Variants in PGS1 observed in about 807,000 individuals in gnomAD.
PGS1 encodes the protein phosphatidylglycerophosphate synthase 1, also known as CDP-diacylglycerol--glycerol-3-phosphate 3-phosphatidyltransferase, mitochondrial.
PGS1 carries 44 observed loss-of-function variants against 58.3 expected under a neutral mutation model. That is an observed-to-expected ratio of 0.75 (90% CI 0.59 to 0.97). The LOEUF (loss-of-function observed/expected upper bound fraction) is 0.97, where lower values mean the gene tolerates loss of function less well. Among genes scored for constraint, PGS1 ranks in the 50% least tolerant of loss-of-function variants. The pLI, the probability that PGS1 is intolerant of heterozygous loss-of-function variation, is 0.00. For missense variants in PGS1, 684 were observed against 731.1 expected (o/e 0.94, Z 0.74); for synonymous variants, 330 against 311.0 (o/e 1.06, Z -0.64).
intron 8 of PGS1, among the ~76,000 whole-genome samples, chr17:78,416,416 G>A (rs73998901): frequency 0.017 from 2,590 of 152,334 alleles, 64 homozygotes; most frequent in African/African-American, 0.058. Flanking sequence ...GTGCCAGGGC[G>A]GTAGAGAGTC....
intron 1 of PGS1, among the ~76,000 whole-genome samples, chr17:78,381,352 T>C (rs2082024449): frequency 6.6e-6 from 1 of 152,214 alleles, no homozygotes; most frequent in African/African-American, 2.4e-5. Flanking sequence ...AAGTTTTTGC[T>C]TTGTAATCCT....
chr17:78,382,781 T>G (rs2082127330), intron 1 of PGS1: 1 of 151,454 alleles, frequency 6.6e-6, no homozygotes, highest in South Asian at 2.1e-4. Flanking sequence ...TAGCTGGGAA[T>G]ACAGGTGCCC....
intron 1 of PGS1, among the ~76,000 whole-genome samples, chr17:78,381,868 A>G (rs1250319057): frequency 6.6e-6 from 1 of 152,212 alleles, no homozygotes; most frequent in African/African-American, 2.4e-5. Context: ...ACTCATTATC[A>G]TTAGGAACTG....
chr17:78,394,596 C>G (rs918333178), intron 2 of PGS1, among the ~76,000 whole-genome samples: 6 of 151,878 alleles, frequency 4.0e-5, no homozygotes, highest in African/African-American at 1.5e-4. Flanking sequence ...GCTCTCGTTG[C>G]CCAGGCTGGA....
intron 1 of PGS1, among the ~76,000 whole-genome samples, chr17:78,384,386 A>G (rs1273052546): frequency 2.6e-5 from 4 of 152,196 alleles, no homozygotes; most frequent in East Asian, 3.8e-4. Context: ...TTTCTCAGGA[A>G]GTGTTATGAC....
At chr17:78,382,638 T>G (rs796801310) in intron 1 of PGS1, 1 of 96,360 alleles carries the variant, frequency 1.0e-5, no homozygotes, top group Non-Finnish European at 2.5e-5. Flanking sequence ...ACAGAATGGT[T>G]TTTTTTTTTT....
At chr17:78,382,610 T>A (rs1407210361) in intron 1 of PGS1, 1 of 152,048 alleles carries the variant, frequency 6.6e-6, no homozygotes, top group Non-Finnish European at 1.5e-5. Flanking sequence ...ATAGGGTTTT[T>A]TTGAGTCATC....
chr17:78,396,498 A>G, intron 3 of PGS1, 113 bp downstream of exon 3: 1 of 739,422 alleles, frequency 1.4e-6, no homozygotes, highest in Non-Finnish European at 2.3e-6. Flanking sequence ...CCTCCATGTC[A>G]GAGCCAGCTC....
chr17:78,389,053 CTT>C (rs5822252), intron 1 of PGS1, among the ~76,000 whole-genome samples: 85 of 95,992 alleles, frequency 8.9e-4, no homozygotes, highest in African/African-American at 2.4e-3. Flanking sequence ...CCTCTTCTTC[CTT>C]TTTTTTTTTT....
chr17:78,422,789 T>TCTTTGAAGC (rs1238375713), intron 9 of PGS1, among the ~76,000 whole-genome samples: 1 of 151,774 alleles, frequency 6.6e-6, no homozygotes, highest in African/African-American at 2.4e-5. Context: ...GGCCTGCTTT[T>TCTTTGAAGC]CTTTGAAGCC....
In PGS1 at chr17:78,424,306, G is replaced by A. The variant is rs1346147250; in HGVS notation, c.*256G>A. The A allele has an allele frequency of 8.6e-6, 8 of 930,798 alleles. No homozygotes were observed. Among genetic ancestry groups the A allele is most frequent in the Middle Eastern group, 3.5e-4 (1 of 2,890 alleles). The allele number at this position is 930,798 out of a possible 1,614,324, so 57.7% of individuals were successfully genotyped here. Reference sequence around the variant, plus strand: ...CCAGCTGCCACGGCTGGAAGCAGAGGCCTTCGTAGGTGATGGCCTGCATGT... The same window carrying A: ...CCAGCTGCCACGGCTGGAAGCAGAGACCTTCGTAGGTGATGGCCTGCATGT... On this transcript the variant is annotated 3_prime_UTR_variant, in exon 10 of 10. Transcript: ENST00000262764.
At chr17:78,399,805 C>T (rs1043674633) in intron 5 of PGS1, 19 of 518,058 alleles carry the variant, frequency 3.7e-5, no homozygotes, top group Admixed American at 2.3e-4. Context: ...CAGTGACCCT[C>T]TGTAGTATTT....
intron 2 of PGS1, among the ~76,000 whole-genome samples, chr17:78,395,914 G>A (rs947038861): frequency 2.0e-5 from 3 of 152,146 alleles, no homozygotes; most frequent in African/African-American, 7.2e-5. Flanking sequence ...TAATCTTTAT[G>A]TTTTTAGTAG....
At position 78,400,593 on chromosome 17, in the gene PGS1, G is replaced by A; in HGVS notation, c.702-84G>A. On this transcript the variant is annotated intron_variant, in intron 5 of 9. Transcript: ENST00000262764. This position sits in a 1 kb window ranked among gnomAD's most constrained non-coding sequence, Gnocchi z 4.4. ...ACCTGAGTTTGTCACCCCCCTGCTAGTTCACCTGAGACCTGGGTCACCAGG... is the reference window on the plus strand; with the variant it reads ...ACCTGAGTTTGTCACCCCCCTGCTAATTCACCTGAGACCTGGGTCACCAGG... 2 of 1,169,294 alleles carry A rather than the reference G, an allele frequency of 1.7e-6. No individual in the cohort carries two copies. The highest frequency in any genetic ancestry group is 1.5e-5 in the African/African-American group (1 of 66,208). 72.4% of individuals were successfully genotyped at this position (1,169,294 alleles called of 1,614,324 possible).
intron 2 of PGS1, among the ~76,000 whole-genome samples, chr17:78,393,526 A>AC (rs1420594642): frequency 1.3e-5 from 2 of 152,046 alleles, no homozygotes; most frequent in African/African-American, 4.8e-5. Flanking sequence ...TGTATGATGG[A>AC]CCCCTAACCC....
chr17:78,404,095 C>A lies in PGS1; in HGVS notation c.1402+6C>A. 6.6e-7 allele frequency: 1 copy of A among 1,526,538 alleles called. No individual in the cohort carries two copies. Among genetic ancestry groups the A allele is most frequent in the Non-Finnish European group, 8.8e-7 (1 of 1,135,842 alleles). The allele number at this position is 1,526,538 out of a possible 1,614,324, so 94.6% of individuals were successfully genotyped here. ...CTGGACGTTCCACGCCAAAGGTGCGCAGCGGCTGGCTGGAGGACGTTCCAG... is the reference window on the plus strand; with the variant it reads ...CTGGACGTTCCACGCCAAAGGTGCGAAGCGGCTGGCTGGAGGACGTTCCAG... On this transcript the variant is annotated splice_donor_region_variant and intron_variant, in intron 7 of 9. Coordinates refer to ENST00000262764, the MANE Select transcript of PGS1 (RefSeq NM_024419.5).
In PGS1 at chr17:78,403,634, C is replaced by G; in HGVS notation, c.947C>G (p.Thr316Ser). Reference protein sequence around the residue: ...RVMDVINSARTRQQMLHAQTF... With the variant: ...RVMDVINSARSRQQMLHAQTF... The stretch of plus-strand genomic sequence containing the variant: ...ATGGATGTGATCAACTCAGCCAGGA[C>G]CCGCCAGCAGATGCTGCATGCCCAG... Residue 316 changes from threonine (T) to serine (S), a missense_variant, in exon 7 of 10, where the codon ACC (threonine) becomes AGC (serine). Thr to Ser is a moderately conservative substitution (Grantham distance 58). Transcript: ENST00000262764. 6 of 1,614,186 alleles carry G rather than the reference C, an allele frequency of 3.7e-6. No individual in the cohort carries two copies. Among genetic ancestry groups the G allele is most frequent in the Non-Finnish European group, 5.1e-6 (6 of 1,180,040 alleles).
Position 78,385,744 on chromosome 17 carries a change from G to A in PGS1, c.144-6732G>A, listed in dbSNP as rs961897414. On this transcript the variant is annotated intron_variant, in intron 1 of 9. Coordinates refer to ENST00000262764, the MANE Select transcript of PGS1 (RefSeq NM_024419.5). ...GCCCCCGGGTTTCTTTTGTAAACAG[G>A]TGTGTTCCATAGCTTCTCAGCTGCT... 3.3e-5 allele frequency among the ~76,000 whole-genome samples: 5 copies of A among 152,212 alleles called. No individual in the cohort carries two copies. In the South Asian group the frequency reaches 6.2e-4, roughly 19 times the overall value.
rs1185340710 is a variant in PGS1 at position 78,380,074 on chromosome 17, C to T, written c.143+1266C>T. The stretch of plus-strand genomic sequence containing the variant: ...AGAGACAGGGTTTTTCCATGTTGGT[C>T]AGGCTGGTCTCTAACTCCCAGCCTC... On this transcript the variant is annotated intron_variant, in intron 1 of 9. Transcript: ENST00000262764. 2.6e-5 allele frequency among the ~76,000 whole-genome samples: 4 copies of T among 151,942 alleles called. No homozygotes were observed. In the East Asian group the frequency reaches 7.8e-4, roughly 30 times the overall value.
Sources: allele counts gnomAD v4.1 joint callset (sites outside exome capture counted in the v4.1 genomes callset), GRCh38; gene constraint gnomAD v4.1.1; non-coding constraint Gnocchi (gnomAD v3.1); transcripts MANE v1.5; gene names NCBI Gene and HGNC (gene_info 2026-07-23, HGNC 2026-07-21).